Variants in COL23A1 observed in about 807,000 individuals in gnomAD.
COL23A1 encodes the protein collagen type XXIII alpha 1 chain, also known as collagen alpha-1(XXIII) chain.
A neutral mutation model predicts 99.3 loss-of-function variants in COL23A1; 97 were observed. That is an observed-to-expected ratio of 0.98 (90% confidence interval 0.83 to 1.16). The LOEUF (loss-of-function observed/expected upper bound fraction) is 1.16, where lower values mean the gene tolerates loss of function less well. Among genes scored for constraint, COL23A1 ranks in the 50% most tolerant of loss-of-function variants. COL23A1 has a pLI of 0.00. For synonymous variants in COL23A1, 320 were observed against 308.2 expected (o/e 1.04, Z -0.40); for missense variants, 762 against 757.4 (o/e 1.01, Z -0.07).
rs754683615 is a variant in COL23A1 at position 178,254,985 on chromosome 5, C to G, written c.924G>C (p.Val308=). 2.5e-6 allele frequency: 4 copies of G among 1,613,690 alleles called. No individual in the cohort carries two copies. The highest frequency in any genetic ancestry group is 1.3e-5 in the African/African-American group (1 of 74,898). Residue 308 remains valine, a synonymous_variant, in exon 16 of 29, where the codon GTG becomes GTC. Coordinates refer to ENST00000390654, the MANE Select transcript of COL23A1 (RefSeq NM_173465.4). Reference sequence around the variant, plus strand: ...CCAAGATCCTGCCATCATAGTCGATCACCACTGTGTCTCCCTGCTCGCCCT... The same window carrying G: ...CCAAGATCCTGCCATCATAGTCGATGACCACTGTGTCTCCCTGCTCGCCCT... The part of the protein sequence containing the change: ...GLKGEQGDTV[V]IDYDGRILDA...
At position 178,262,096 on chromosome 5, in the gene COL23A1, G is replaced by A. The variant is rs577219374; in HGVS notation, c.675+121C>T. On this transcript the variant is annotated intron_variant, in intron 10 of 28. Coordinates refer to ENST00000390654, the MANE Select transcript of COL23A1 (RefSeq NM_173465.4). ...CATGCAGACACGTACATGCAGAGGC[G>A]CGCGCACACACATAAACATGTGCGC... The A allele has an allele frequency of 3.4e-4, 347 of 1,028,152 alleles. No individual in the cohort carries two copies. The African/African-American group carries it at 7.8e-3, about 23-fold the overall frequency. 63.7% of individuals were successfully genotyped at this position (1,028,152 alleles called of 1,614,324 possible). A position where few individuals can be genotyped will look rare whatever the true frequency, so the allele number is the denominator to read the frequency against.
chr5:178,239,162 A>G lies in COL23A1; in HGVS notation c.1599T>C (p.Pro533=), dbSNP rs762129713. ...QPCPVGPDGL[P]VPGCWHK is the part of the protein sequence containing the mutation. ...GTACCTTATGCCAGCAGCCAGGCACAGGCAGCCCGTCGGGGCCCTGGAAAG... is the reference window on the plus strand; with the variant it reads ...GTACCTTATGCCAGCAGCCAGGCACGGGCAGCCCGTCGGGGCCCTGGAAAG... The change falls in exon 28 of 29, where the codon CCT becomes CCC. Residue 533 remains proline (P), a synonymous_variant. Transcript: ENST00000390654. 6.2e-7 allele frequency: 1 copy of G among 1,613,964 alleles called. No individual in the cohort carries two copies. Among genetic ancestry groups the G allele is most frequent in the South Asian group, 1.1e-5 (1 of 91,078 alleles).
At chr5:178,390,834 G>A (rs1292476436) in intron 2 of COL23A1, among the ~76,000 whole-genome samples, 1 of 152,214 alleles carries the variant, frequency 6.6e-6, no homozygotes, top group East Asian at 1.9e-4. Context: ...ACTCTTAGAA[G>A]AAAACATAGG....
At chr5:178,447,847 G>C (rs1483117353) in intron 2 of COL23A1, among the ~76,000 whole-genome samples, 1 of 152,190 alleles carries the variant, frequency 6.6e-6, no homozygotes, top group Non-Finnish European at 1.5e-5. Flanking sequence ...AGGCTGGCAG[G>C]GACCTTTGGA....
chr5:178,305,550 G>A (rs1758304889), intron 3 of COL23A1, among the ~76,000 whole-genome samples: 1 of 152,244 alleles, frequency 6.6e-6, no homozygotes, highest in Non-Finnish European at 1.5e-5. Context: ...TGCTGAGTGT[G>A]GGGCGATACC....
intron 2 of COL23A1, among the ~76,000 whole-genome samples, chr5:178,311,613 C>T (rs1296305046): frequency 6.6e-6 from 1 of 151,372 alleles, no homozygotes; most frequent in Non-Finnish European, 1.5e-5. Flanking sequence ...GCTGGAGTGG[C>T]GTGATCACAG....
chr5:178,278,453 T>C (rs557462369), intron 5 of COL23A1, among the ~76,000 whole-genome samples: 1 of 152,358 alleles, frequency 6.6e-6, no homozygotes, highest in East Asian at 1.9e-4. Flanking sequence ...GAAGATGTGG[T>C]AGTGATGACT....
At chr5:178,480,687 G>A (rs1325187044) in intron 2 of COL23A1, among the ~76,000 whole-genome samples, 4 of 152,044 alleles carry the variant, frequency 2.6e-5, no homozygotes, top group African/African-American at 9.7e-5. Context: ...AACTTCACAG[G>A]GAAAATGAAC....
At chr5:178,351,150 G>C (rs987731964) in intron 2 of COL23A1, 1 of 152,340 alleles carries the variant, frequency 6.6e-6, no homozygotes, top group Non-Finnish European at 1.5e-5. Flanking sequence ...GGGCCTCTGA[G>C]TGTCAGGACG....
In COL23A1 at chr5:178,523,157, T is replaced by TATAC. The variant is rs1466161214; in HGVS notation, c.361+37524_361+37525insGTAT. ...CTCTATTTAAAAATATATATATATA[T>TATAC]ATATACATATATATATATATACACA... On this transcript the variant is annotated intron_variant, in intron 2 of 28. Transcript: ENST00000390654. Among the ~76,000 whole-genome samples the TATAC allele has an allele frequency of 1.0e-3, 79 of 75,916 alleles. 1 individual carries two copies. Among genetic ancestry groups the TATAC allele is most frequent in the East Asian group, 6.4e-3 (20 of 3,102 alleles). 49.8% of individuals were successfully genotyped at this position (75,916 alleles called of 152,430 possible). A position where few individuals can be genotyped will look rare whatever the true frequency, so the allele number is the denominator to read the frequency against.
At chr5:178,338,552 C>CTGG (rs1760475974) in intron 2 of COL23A1, among the ~76,000 whole-genome samples, 1 of 149,830 alleles carries the variant, frequency 6.7e-6, no homozygotes, top group Admixed American at 6.6e-5. Flanking sequence ...TCCTGGGTCA[C>CTGG]CCAGCACCGG....
chr5:178,347,323 C>T (rs1761028810), intron 2 of COL23A1, among the ~76,000 whole-genome samples: 1 of 151,892 alleles, frequency 6.6e-6, no homozygotes, highest in Admixed American at 6.6e-5. Context: ...TGAAAAAAGC[C>T]ACACTGTGTA....
chr5:178,269,934 T>C (rs1194091257), intron 6 of COL23A1, among the ~76,000 whole-genome samples: 1 of 152,236 alleles, frequency 6.6e-6, no homozygotes, highest in African/African-American at 2.4e-5. Flanking sequence ...GGCCCAGATG[T>C]TGAGAACTCA....
chr5:178,495,167 G>A (rs1375934581), intron 2 of COL23A1, among the ~76,000 whole-genome samples: 1 of 152,208 alleles, frequency 6.6e-6, no homozygotes, highest in African/African-American at 2.4e-5. Flanking sequence ...ATGAAGCTGT[G>A]CTCCCTGCAC....
intron 2 of COL23A1, among the ~76,000 whole-genome samples, chr5:178,452,169 G>C (rs118043336): frequency 1.3e-5 from 2 of 152,016 alleles, no homozygotes; most frequent in Non-Finnish European, 2.9e-5. Context: ...ACAGATCAAT[G>C]GAACAAAATA....
At chr5:178,252,436 C>G in intron 17 of COL23A1, 108 bp downstream of exon 17, 1 of 1,078,006 alleles carries the variant, frequency 9.3e-7, no homozygotes, top group African/African-American at 1.6e-5. Flanking sequence ...GGAAGCCAGG[C>G]CAGGACACCC....
chr5:178,534,608 A>G (rs548487701), intron 2 of COL23A1, among the ~76,000 whole-genome samples: 2 of 152,214 alleles, frequency 1.3e-5, no homozygotes, highest in African/African-American at 2.4e-5. Context: ...GTGAAATTCC[A>G]TCTCTACTAA....
At chr5:178,411,175 A>T (rs951464368) in intron 2 of COL23A1, among the ~76,000 whole-genome samples, 10 of 152,246 alleles carry the variant, frequency 6.6e-5, no homozygotes, top group Non-Finnish European at 1.5e-4. Flanking sequence ...ATGTGGAAAA[A>T]TTGGAACCTT....
intron 2 of COL23A1, among the ~76,000 whole-genome samples, chr5:178,517,582 G>A (rs1378708159): frequency 1.9e-5 from 1 of 52,932 alleles, no homozygotes; most frequent in Non-Finnish European, 2.8e-5. Context: ...TTTTTTTTGA[G>A]ATGGAGTCTC....
Sources: gnomAD v4.1 joint callset for allele counts (sites outside exome capture counted in the v4.1 genomes callset) on GRCh38, gnomAD v4.1.1 for gene constraint, MANE v1.5 for transcripts, NCBI Gene and HGNC (gene_info 2026-07-23, HGNC 2026-07-21) for gene names.